The following OR3A2 variants were observed in gnomAD, a reference collection of about 807,000 sequenced individuals.
OR3A2 encodes the protein olfactory receptor family 3 subfamily A member 2, also known as olfactory receptor 3A2.
For synonymous variants in OR3A2, 126 were observed against 159.3 expected, an observed-to-expected ratio of 0.79 and a Z score of 1.57; for missense variants, 318 against 392.8, an observed-to-expected ratio of 0.81 and a Z score of 1.61.
At chr17:3,323,779 C>G (rs1232018875) in intron 3 of OR3A2, among the ~76,000 whole-genome samples, 1 of 152,048 alleles carries the variant, frequency 6.6e-6, no homozygotes, top group Non-Finnish European at 1.5e-5. Flanking sequence ...TTCTCTCTGG[C>G]TGCCCTTAAC....
intron 3 of OR3A2, among the ~76,000 whole-genome samples, chr17:3,327,825 A>C (rs971378885): frequency 1.4e-5 from 2 of 140,304 alleles, no homozygotes; most frequent in African/African-American, 5.7e-5. Flanking sequence ...TCCTTTCCCC[A>C]TTGCTTGGTT....
chr17:3,325,203 A>ATTTTTTTTT (rs61124691), intron 3 of OR3A2, among the ~76,000 whole-genome samples: 2 of 108,616 alleles, frequency 1.8e-5, no homozygotes, highest in African/African-American at 3.6e-5. Flanking sequence ...GATCCTTCCA[A>ATTTTTTTTT]TTTTTTTTTT....
At chr17:3,332,220 G>T (rs1212450315) in intron 3 of OR3A2, among the ~76,000 whole-genome samples, 1 of 152,232 alleles carries the variant, frequency 6.6e-6, no homozygotes, top group African/African-American at 2.4e-5. Flanking sequence ...AGGCCTCCTT[G>T]AGCTGTGGTG....
intron 3 of OR3A2, among the ~76,000 whole-genome samples, chr17:3,306,649 T>G (rs1597329906): frequency 7.3e-6 from 1 of 137,536 alleles, no homozygotes; most frequent in Admixed American, 7.8e-5. Context: ...ATAGGGAGAG[T>G]GCAGGGGATC....
chr17:3,311,715 A>AGCG lies in OR3A2; in HGVS notation c.-85+24317_-85+24318insCGC. 4.3e-6 allele frequency: 1 copy of AGCG among 234,892 alleles called. No homozygotes were observed. Among genetic ancestry groups the AGCG allele is most frequent in the Non-Finnish European group, 9.0e-6 (1 of 111,408 alleles). 14.6% of individuals were successfully genotyped at this position (234,892 alleles called of 1,614,324 possible). ...AGGGGAGGAAGAAGGCTTTCTCCAC[A>AGCG]TGTGGCTCCCACCTCACTGTGGTCT... On this transcript the variant is annotated intron_variant, in intron 3 of 4. Coordinates refer to the OR3A2 transcript ENST00000573491. The surrounding 1 kb of genome is among the most constrained non-coding windows in gnomAD (Gnocchi z 4.6).
chr17:3,368,847 A>G (rs1264114518), intron 2 of OR3A2, among the ~76,000 whole-genome samples: 1 of 152,116 alleles, frequency 6.6e-6, no homozygotes, highest in African/African-American at 2.4e-5. Flanking sequence ...TTTTCACAAT[A>G]TTGATTCTAC....
chr17:3,382,207 T>C (rs1241805318), intron 2 of OR3A2, among the ~76,000 whole-genome samples: 1 of 152,164 alleles, frequency 6.6e-6, no homozygotes, highest in Non-Finnish European at 1.5e-5. Context: ...TCTGGATGTG[T>C]GGCTGAGCCA....
chr17:3,350,080 G>A (rs1193119484), intron 2 of OR3A2, among the ~76,000 whole-genome samples: 3 of 146,184 alleles, frequency 2.1e-5, no homozygotes, highest in African/African-American at 2.5e-5. Context: ...AGAGAAAGCA[G>A]GAAAGATCCA....
chr17:3,363,028 T>G (rs757339856), intron 2 of OR3A2, among the ~76,000 whole-genome samples: 1 of 151,818 alleles, frequency 6.6e-6, no homozygotes, highest in Admixed American at 6.6e-5. Context: ...ACCTGGCCCA[T>G]GACACCATTT....
At chr17:3,306,592 G>A in intron 3 of OR3A2, among the ~76,000 whole-genome samples, 1 of 150,484 alleles carries the variant, frequency 6.6e-6, no homozygotes, top group East Asian at 2.0e-4. Flanking sequence ...GCTTGCCATA[G>A]TGTGTGTAGT....
At chr17:3,288,471 G>A (rs1035530564), upstream of OR3A2, among the ~76,000 whole-genome samples, 1 of 152,084 alleles carries the variant, frequency 6.6e-6, no homozygotes, top group Non-Finnish European at 1.5e-5. Context: ...CTTACACAGG[G>A]GTAAGCGATG....
chr17:3,373,890 G>A (rs1011847148), intron 2 of OR3A2, among the ~76,000 whole-genome samples: 3 of 152,000 alleles, frequency 2.0e-5, no homozygotes, highest in Non-Finnish European at 4.4e-5. Flanking sequence ...TTGTTTTATA[G>A]GCCCTGTGAA....
chr17:3,361,637 T>G (rs893262174), intron 2 of OR3A2, among the ~76,000 whole-genome samples: 11 of 151,902 alleles, frequency 7.2e-5, no homozygotes, highest in Non-Finnish European at 7.3e-5. Context: ...GGTTGTTGAA[T>G]TTTGTCAAAG....
At chr17:3,360,457 A>G (rs2049503173) in intron 2 of OR3A2, among the ~76,000 whole-genome samples, 1 of 151,628 alleles carries the variant, frequency 6.6e-6, no homozygotes, top group Non-Finnish European at 1.5e-5. Flanking sequence ...TTTTGTTGCC[A>G]TTGCTTTTGG....
intron 2 of OR3A2, among the ~76,000 whole-genome samples, chr17:3,348,509 T>C (rs1597352900): frequency 3.3e-5 from 5 of 152,230 alleles, no homozygotes; most frequent in East Asian, 3.9e-4. Flanking sequence ...GAGCAAAGCC[T>C]CCAAGAAATA....
chr17:3,329,319 T>C (rs4790464), intron 3 of OR3A2, among the ~76,000 whole-genome samples: 54,924 of 140,140 alleles, frequency 0.39, 10,864 homozygotes, highest in Admixed American at 0.49. Flanking sequence ...TGGTAGAATT[T>C]GGCTGTGAAT....
intron 3 of OR3A2, among the ~76,000 whole-genome samples, chr17:3,318,285 C>T (rs543048639): frequency 2.0e-5 from 3 of 152,266 alleles, no homozygotes; most frequent in Non-Finnish European, 4.4e-5. Context: ...AAGGGATGCA[C>T]AGAAAGAGAT....
intron 3 of OR3A2, among the ~76,000 whole-genome samples, chr17:3,326,620 G>A (rs1015034510): frequency 2.7e-5 from 4 of 147,434 alleles, no homozygotes; most frequent in African/African-American, 5.0e-5. Context: ...AGTTACATAT[G>A]TATACATGTG....
chr17:3,372,302 G>A (rs1187382076), intron 2 of OR3A2, among the ~76,000 whole-genome samples: 2 of 148,978 alleles, frequency 1.3e-5, no homozygotes, highest in Non-Finnish European at 3.0e-5. Context: ...TTCCTAGATG[G>A]GATGGCGGCC....
Sources: allele counts gnomAD v4.1 joint callset (sites outside exome capture counted in the v4.1 genomes callset), GRCh38; gene constraint gnomAD v4.1.1; non-coding constraint Gnocchi (gnomAD v3.1); transcripts MANE v1.5; gene names NCBI Gene and HGNC (gene_info 2026-07-23, HGNC 2026-07-21).